LRGUK: variants seen among roughly 807,000 people sequenced by gnomAD.
LRGUK encodes the protein leucine-rich repeat and guanylate kinase domain-containing protein.
Under a neutral mutation model 76.0 loss-of-function variants are expected in LRGUK, and 65 were observed. The observed-to-expected ratio is 0.85, with a 90% confidence interval of 0.70 to 1.05. LRGUK has a LOEUF of 1.05. LRGUK is among the 50% of genes least tolerant of loss of function. The pLI, the probability that LRGUK is intolerant of heterozygous loss-of-function variation, is 0.00. For synonymous variants in LRGUK, 268 were observed against 265.6 expected (o/e 1.01, Z -0.09); for missense variants, 758 against 732.8 (o/e 1.03, Z -0.40).
intron 12 of LRGUK, among the ~76,000 whole-genome samples, 163 bp downstream of exon 12, chr7:134,191,914 G>A (rs537080740): frequency 1.1e-4 from 16 of 151,128 alleles, no homozygotes; most frequent in Middle Eastern, 3.4e-3. Flanking sequence ...TGCTTAATAC[G>A]TCATTCTTCA....
At chr7:134,148,441 G>T in intron 5 of LRGUK, 122 bp downstream of exon 5, 1 of 619,322 alleles carries the variant, frequency 1.6e-6, no homozygotes, top group Non-Finnish European at 2.8e-6. Context: ...ATAGAGACGT[G>T]ACTTATTTAA....
At chr7:134,176,768 A>G (rs1435703009) in intron 8 of LRGUK, among the ~76,000 whole-genome samples, 1 of 152,188 alleles carries the variant, frequency 6.6e-6, no homozygotes, top group Non-Finnish European at 1.5e-5. Context: ...AAGAGTGTAC[A>G]CTTGAAGACC....
chr7:134,218,504 CT>C (rs1248004685), intron 15 of LRGUK, among the ~76,000 whole-genome samples: 1 of 152,126 alleles, frequency 6.6e-6, no homozygotes, highest in Non-Finnish European at 1.5e-5. Flanking sequence ...TGTAGAAACA[CT>C]TGTCATTAAA....
At chr7:134,262,597 G>A (rs902342896) in intron 19 of LRGUK, among the ~76,000 whole-genome samples, 9 of 152,168 alleles carry the variant, frequency 5.9e-5, no homozygotes, top group South Asian at 2.1e-4. Context: ...CTCCTCTACC[G>A]TCTGCTTTCT....
chr7:134,209,687 C>T (rs757559956), exon 16 of LRGUK: 4 of 399,386 alleles, frequency 1.0e-5, no homozygotes, highest in South Asian at 1.3e-4. Flanking sequence ...TCCACCAACC[C>T]GGGAAGCAGA....
At chr7:134,178,635 G>C (rs754782971) in intron 10 of LRGUK, 26 bp downstream of exon 10, 1 of 1,583,708 alleles carries the variant, frequency 6.3e-7, no homozygotes, top group Non-Finnish European at 8.6e-7. Context: ...CCAAAGGCCG[G>C]AATTCAGGGT....
intron 16 of LRGUK, among the ~76,000 whole-genome samples, chr7:134,233,201 A>G (rs1300710946): frequency 6.6e-6 from 1 of 152,220 alleles, no homozygotes; most frequent in African/African-American, 2.4e-5. Context: ...TGCTCTTTGC[A>G]TGGTTGGCTC....
At chr7:134,145,845 G>A (rs559182961) in intron 4 of LRGUK, among the ~76,000 whole-genome samples, 1 of 152,302 alleles carries the variant, frequency 6.6e-6, no homozygotes, top group African/African-American at 2.4e-5. Context: ...ACTTGTATGT[G>A]CACTCTTTTT....
intron 18 of LRGUK, 82 bp from the exon 19 acceptor site, chr7:134,258,175 G>A: frequency 6.5e-7 from 1 of 1,542,426 alleles, no homozygotes; most frequent in Non-Finnish European, 8.9e-7. Flanking sequence ...GTAACCCAGT[G>A]AAGTCATAGG....
exon 11 of LRGUK, chr7:134,183,751 A>G (rs1367742155): frequency 6.2e-7 from 1 of 1,614,008 alleles, no homozygotes; most frequent in Admixed American, 1.7e-5. Flanking sequence ...CCCAGCCTGG[A>G]TGCCCCTTAT....
At chr7:134,197,095 T>C in exon 13 of LRGUK, 4 of 1,595,008 alleles carry the variant, frequency 2.5e-6, no homozygotes, top group Non-Finnish European at 3.4e-6. Flanking sequence ...TGTATTCATA[T>C]GGAAATAGAA....
chr7:134,221,903 C>A (rs769593081), exon 16 of LRGUK: 2 of 1,588,568 alleles, frequency 1.3e-6, no homozygotes, highest in Non-Finnish European at 1.7e-6. Flanking sequence ...AACTTTCAGC[C>A]AAAAAAACAC....
chr7:134,241,329 A>T (rs1454087366), intron 16 of LRGUK, among the ~76,000 whole-genome samples: 1 of 152,208 alleles, frequency 6.6e-6, no homozygotes, highest in African/African-American at 2.4e-5. Context: ...AGAGACACAC[A>T]TAGGCTCAAA....
chr7:134,207,861 C>A (rs1585557008), intron 15 of LRGUK, among the ~76,000 whole-genome samples: 1 of 152,146 alleles, frequency 6.6e-6, no homozygotes, highest in African/African-American at 2.4e-5. Flanking sequence ...GGTATTTGGG[C>A]CCCCAGAATC....
chr7:134,203,348 A>G (rs1800866153), intron 15 of LRGUK, among the ~76,000 whole-genome samples: 1 of 152,168 alleles, frequency 6.6e-6, no homozygotes, highest in Admixed American at 6.5e-5. Flanking sequence ...CTGCTTTGCA[A>G]GTATGTTCAG....
intron 16 of LRGUK, among the ~76,000 whole-genome samples, chr7:134,233,601 C>T (rs1021988636): frequency 3.9e-5 from 6 of 152,226 alleles, no homozygotes; most frequent in Non-Finnish European, 7.3e-5. Context: ...CCCAGGTCAG[C>T]TCAGGGAAGA....
chr7:134,155,952 G>A (rs922575156), intron 5 of LRGUK, among the ~76,000 whole-genome samples: 2 of 152,174 alleles, frequency 1.3e-5, no homozygotes, highest in Non-Finnish European at 2.9e-5. Context: ...ACCAGGAGAG[G>A]CTTTGAGGAA....
intron 12 of LRGUK, among the ~76,000 whole-genome samples, chr7:134,193,359 T>C (rs1800339728): frequency 6.6e-6 from 1 of 152,200 alleles, no homozygotes; most frequent in Non-Finnish European, 1.5e-5. Flanking sequence ...TTCCCAAAAT[T>C]AATGTTAATT....
intron 15 of LRGUK, among the ~76,000 whole-genome samples, chr7:134,220,281 C>T (rs527388511): frequency 2.6e-5 from 4 of 152,198 alleles, no homozygotes; most frequent in Admixed American, 1.3e-4. Context: ...TCTGTTCAAG[C>T]TCCCTTTCTC....
Sources: gnomAD v4.1 joint callset for allele counts (sites outside exome capture counted in the v4.1 genomes callset) on GRCh38, gnomAD v4.1.1 for gene constraint, MANE v1.5 for transcripts, NCBI Gene and HGNC (gene_info 2026-07-23, HGNC 2026-07-21) for gene names.